Variants in FARS2 observed in about 807,000 individuals in gnomAD.
The protein encoded by FARS2 is phenylalanine--tRNA ligase, mitochondrial.
Under a neutral mutation model 46.4 loss-of-function variants are expected in FARS2, and 40 were observed. The observed-to-expected ratio is 0.86, with a 90% confidence interval of 0.67 to 1.12. The LOEUF (loss-of-function observed/expected upper bound fraction) is 1.12, where lower values mean the gene tolerates loss of function less well. Ranked by LOEUF, FARS2 falls within the 50% of genes most tolerant of loss-of-function variation. The pLI is 0.00. For missense variants in FARS2, 513 were observed against 567.9 expected (o/e 0.90, Z 0.98); for synonymous variants, 234 against 214.9 (o/e 1.09, Z -0.78).
At chr6:5,515,171 C>A (rs1768711203) in intron 4 of FARS2, among the ~76,000 whole-genome samples, 1 of 152,114 alleles carries the variant, frequency 6.6e-6, no homozygotes, top group Non-Finnish European at 1.5e-5. Context: ...GTACATCTGA[C>A]AGTAATAATA....
intron 6 of FARS2, among the ~76,000 whole-genome samples, chr6:5,686,342 T>C (rs4959348): frequency 0.39 from 57,767 of 147,700 alleles, 12,828 homozygotes; most frequent in Non-Finnish European, 0.49. Flanking sequence ...CCTAATGCTC[T>C]CCCCCCCCGC....
chr6:5,595,967 A>G (rs1323630290), intron 5 of FARS2, among the ~76,000 whole-genome samples: 3 of 152,182 alleles, frequency 2.0e-5, no homozygotes, highest in African/African-American at 7.2e-5. Flanking sequence ...AGTGCCTGGC[A>G]AGAGAAAGGG....
chr6:5,676,265 A>G (rs954570540), intron 6 of FARS2, among the ~76,000 whole-genome samples: 1 of 152,180 alleles, frequency 6.6e-6, no homozygotes, highest in African/African-American at 2.4e-5. Context: ...CTTGTCTTTT[A>G]TAGATGATTT....
chr6:5,260,602 C>CCG, upstream of FARS2: 100 of 1,203,524 alleles, frequency 8.3e-5, no homozygotes, highest in Non-Finnish European at 1.1e-4. Context: ...CCCCGGTCCC[C>CCG]GGCCCCTGGC....
At chr6:5,353,524 G>A (rs1196681890) in intron 1 of FARS2, among the ~76,000 whole-genome samples, 1 of 152,134 alleles carries the variant, frequency 6.6e-6, no homozygotes, top group Non-Finnish European at 1.5e-5. Flanking sequence ...CACCAACAGT[G>A]TATAAGGATT....
chr6:5,543,636 C>A (rs1770769941), intron 4 of FARS2, among the ~76,000 whole-genome samples: 1 of 152,156 alleles, frequency 6.6e-6, no homozygotes, highest in Non-Finnish European at 1.5e-5. Context: ...GCTGGGATTA[C>A]AGGCGTGAGC....
At chr6:5,523,143 G>A (rs1769246751) in intron 4 of FARS2, among the ~76,000 whole-genome samples, 1 of 152,218 alleles carries the variant, frequency 6.6e-6, no homozygotes, top group Admixed American at 6.5e-5. Flanking sequence ...TCCTCATTCA[G>A]AGTGAAATTT....
chr6:5,658,044 G>C (rs977801618), intron 6 of FARS2, among the ~76,000 whole-genome samples: 2 of 152,190 alleles, frequency 1.3e-5, no homozygotes, highest in African/African-American at 4.8e-5. Flanking sequence ...ATCACCTGAG[G>C]TGGGGAATTC....
intron 1 of FARS2, among the ~76,000 whole-genome samples, chr6:5,285,068 G>T (rs1378267891): frequency 2.0e-5 from 3 of 152,188 alleles, no homozygotes; most frequent in African/African-American, 7.2e-5. Context: ...TAAGAAGCCA[G>T]GTAGCAAGGA....
At chr6:5,665,139 G>T (rs189846345) in intron 6 of FARS2, 1 of 152,344 alleles carries the variant, frequency 6.6e-6, no homozygotes, top group African/African-American at 2.4e-5. Context: ...AGAGCTGGGC[G>T]GTCACATGAG....
intron 4 of FARS2, among the ~76,000 whole-genome samples, chr6:5,503,018 G>A (rs536974781): frequency 1.3e-5 from 2 of 151,944 alleles, no homozygotes; most frequent in South Asian, 2.1e-4. Flanking sequence ...AAAGCTCAAT[G>A]TTTATGATCA....
chr6:5,359,968 A>G (rs1012884118), intron 1 of FARS2, among the ~76,000 whole-genome samples: 2 of 152,220 alleles, frequency 1.3e-5, no homozygotes, highest in Non-Finnish European at 2.9e-5. Flanking sequence ...CACTTCTTCA[A>G]GGCTGTTAAA....
chr6:5,509,885 C>T (rs748522410), intron 4 of FARS2, among the ~76,000 whole-genome samples: 5 of 152,322 alleles, frequency 3.3e-5, no homozygotes, highest in Non-Finnish European at 5.9e-5. Context: ...ATATACACAT[C>T]GTTTCTGGTT....
intron 1 of FARS2, among the ~76,000 whole-genome samples, chr6:5,321,958 A>G (rs948161824): frequency 1.3e-5 from 2 of 152,216 alleles, no homozygotes; most frequent in South Asian, 2.1e-4. Flanking sequence ...ATTATTTTCA[A>G]CCAGCTCTTG....
intron 4 of FARS2, among the ~76,000 whole-genome samples, chr6:5,504,029 A>G (rs564134697): frequency 6.6e-6 from 1 of 152,334 alleles, no homozygotes; most frequent in Non-Finnish European, 1.5e-5. Flanking sequence ...ACTTGCCATT[A>G]TTAAAACCAC....
At chr6:5,340,715 G>A (rs1771494730) in intron 1 of FARS2, among the ~76,000 whole-genome samples, 1 of 152,112 alleles carries the variant, frequency 6.6e-6, no homozygotes, top group Non-Finnish European at 1.5e-5. Flanking sequence ...GGAACTCTGG[G>A]AGCTCCCTTT....
intron 5 of FARS2, among the ~76,000 whole-genome samples, chr6:5,583,036 C>T (rs1472238852): frequency 6.6e-6 from 1 of 152,140 alleles, no homozygotes; most frequent in African/African-American, 2.4e-5. Flanking sequence ...TGATGATTTC[C>T]AGCCCTCATT....
At chr6:5,710,805 G>GA (rs1475551606) in intron 6 of FARS2, among the ~76,000 whole-genome samples, 1 of 152,176 alleles carries the variant, frequency 6.6e-6, no homozygotes, top group Non-Finnish European at 1.5e-5. Context: ...GGCAACTGCG[G>GA]AAAAAACTCC....
chr6:5,372,773 C>T (rs2127652222), intron 2 of FARS2, among the ~76,000 whole-genome samples: 1 of 152,258 alleles, frequency 6.6e-6, no homozygotes, highest in South Asian at 2.1e-4. Flanking sequence ...CGTAGGATCA[C>T]TGTTAACATT....
Sources: gnomAD v4.1 joint callset for allele counts (sites outside exome capture counted in the v4.1 genomes callset) on GRCh38, gnomAD v4.1.1 for gene constraint, MANE v1.5 for transcripts, NCBI Gene and HGNC (gene_info 2026-07-23, HGNC 2026-07-21) for gene names.